The following ESPNL variants were observed in gnomAD, a reference collection of about 807,000 sequenced individuals.
ESPNL encodes the protein espin-like protein.
A neutral mutation model predicts 46.8 loss-of-function variants in ESPNL; 49 were observed. The observed-to-expected ratio is 1.05, with a 90% CI of 0.83 to 1.33. The LOEUF (loss-of-function observed/expected upper bound fraction) is 1.33, where lower values mean the gene tolerates loss of function less well. Among genes scored for constraint, ESPNL ranks in the 40% most tolerant of loss-of-function variants. ESPNL has a pLI of 0.00. For synonymous variants in ESPNL, 664 were observed against 662.1 expected (o/e 1.00, Z -0.04); for missense variants, 1,540 against 1,436.6 (o/e 1.07, Z -1.16).
Position 238,102,136 on chromosome 2 carries a change from G to A in ESPNL, c.485+5G>A, listed in dbSNP as rs1691500283. The A allele has an allele frequency of 1.3e-6, 2 of 1,529,676 alleles. No homozygotes were observed. The highest frequency in any genetic ancestry group is 1.8e-6 in the Non-Finnish European group (2 of 1,135,858). The allele number at this position is 1,529,676 out of a possible 1,614,324, so 94.8% of individuals were successfully genotyped here. A position where few individuals can be genotyped will look rare whatever the true frequency, so the allele number is the denominator to read the frequency against. ...CCTGACAGCCGCGCATGGCAGGTAA[G>A]GAGCCCAAAGTCCCGCCTGGGGGGG... On this transcript the variant is annotated splice_donor_5th_base_variant and intron_variant, in intron 2 of 8. Transcript: ENST00000343063.
rs567760638 is a variant in ESPNL at position 238,123,584 on chromosome 2, C to A, written c.988-1686C>A. Among the ~76,000 whole-genome samples the A allele has an allele frequency of 3.3e-5, 5 of 152,302 alleles. 1 individual carries two copies. Among genetic ancestry groups the A allele is most frequent in the Admixed American group, 3.3e-4 (5 of 15,304 alleles). ...GTTAAAGGTTCCGTGGTAACAGATCCCACACCCGGCCCAAGCCCGCCTGGC... is the reference window on the plus strand; with the variant it reads ...GTTAAAGGTTCCGTGGTAACAGATCACACACCCGGCCCAAGCCCGCCTGGC... On this transcript the variant is annotated intron_variant, in intron 5 of 8. Coordinates refer to ENST00000343063, the MANE Select transcript of ESPNL (RefSeq NM_194312.4).
At chr2:238,127,395 G>A (rs1692163255) in intron 6 of ESPNL, 1 of 1,316,266 alleles carries the variant, frequency 7.6e-7, no homozygotes, top group Non-Finnish European at 9.6e-7. Context: ...GCCCAGCGGT[G>A]TGCCGCAGGC....
Position 238,131,474 on chromosome 2 carries a change from GGA to G in ESPNL, c.2761_2762del (p.Asp921HisfsTer41). On this transcript the variant is annotated frameshift_variant, in exon 9 of 9. Coordinates refer to ENST00000343063, the MANE Select transcript of ESPNL (RefSeq NM_194312.4). LOFTEE classifies it low-confidence loss of function (END_TRUNC). The part of the protein sequence containing the change: ...GRRAWTDGFE[D>X]IKARFFGSSQ... ...GCCGGGCCTGGACCGACGGCTTCGA[GGA>G]CATCAAAGCCCGCTTCTTTGGCTCC... is the stretch of plus-strand genomic sequence containing the variant. 6.2e-7 allele frequency: 1 copy of G among 1,611,744 alleles called. No individual in the cohort carries two copies. Among genetic ancestry groups the G allele is most frequent in the Non-Finnish European group, 8.5e-7 (1 of 1,179,468 alleles).
At chr2:238,127,096 CTG>C (rs67493940) in intron 6 of ESPNL, among the ~76,000 whole-genome samples, 81,143 of 148,692 alleles carry the variant, frequency 0.55, 23,703 homozygotes, top group African/African-American at 0.77. Flanking sequence ...ATGATTGTGT[CTG>C]TGTCTGTATG....
At chr2:238,119,612 A>G (rs1691942068) in intron 5 of ESPNL, among the ~76,000 whole-genome samples, 1 of 149,192 alleles carries the variant, frequency 6.7e-6, no homozygotes, top group East Asian at 2.0e-4. Context: ...GGGGAGCTGG[A>G]GGAGGGGAGG....
chr2:238,129,246 G>A, intron 8 of ESPNL: 1 of 1,218,518 alleles, frequency 8.2e-7, no homozygotes, highest in Non-Finnish European at 1.0e-6. Flanking sequence ...CGGCAGGTGT[G>A]TGGGGTGCGA....
intron 5 of ESPNL, among the ~76,000 whole-genome samples, chr2:238,120,072 AGTCAC>A (rs749686564): frequency 2.2e-5 from 3 of 136,206 alleles, no homozygotes; most frequent in Admixed American, 7.2e-5. Flanking sequence ...CACTGTTGGA[AGTCAC>A]GTATTTACTA....
chr2:238,127,278 G>A, intron 6 of ESPNL: 1 of 923,582 alleles, frequency 1.1e-6, no homozygotes, highest in Middle Eastern at 4.3e-4. Flanking sequence ...GGGGCAGGGA[G>A]CATTGCAGGC....
chr2:238,101,344 G>T (rs749091067), intron 1 of ESPNL, among the ~76,000 whole-genome samples: 11 of 152,176 alleles, frequency 7.2e-5, no homozygotes, highest in Non-Finnish European at 1.3e-4. Context: ...GAGCGGGAAG[G>T]TTCCCCAGCA....
intron 5 of ESPNL, among the ~76,000 whole-genome samples, chr2:238,122,864 C>T (rs1175321693): frequency 6.6e-6 from 1 of 152,248 alleles, no homozygotes; most frequent in East Asian, 1.9e-4. Flanking sequence ...GTCGGTGACA[C>T]CACTTGTGTC....
chr2:238,100,479 G>A lies in ESPNL; in HGVS notation c.60G>A (p.Arg20=). ...AKDGDVATLE[R]LLEAGALGPG... Reference sequence around the variant, plus strand: ...ATGGGGATGTGGCGACGTTGGAGCGGCTGCTGGAGGCTGGCGCCCTGGGCC... The same window carrying A: ...ATGGGGATGTGGCGACGTTGGAGCGACTGCTGGAGGCTGGCGCCCTGGGCC... The change falls in exon 1 of 9, where the codon CGG becomes CGA. Residue 20 remains arginine (R), a synonymous_variant. Coordinates refer to ENST00000343063, the MANE Select transcript of ESPNL (RefSeq NM_194312.4). 1 of 1,601,812 alleles carries A rather than the reference G, an allele frequency of 6.2e-7. No homozygotes were observed. The highest frequency in any genetic ancestry group is 1.1e-5 in the South Asian group (1 of 88,998).
intron 6 of ESPNL, among the ~76,000 whole-genome samples, chr2:238,126,136 CTGTG>C (rs1268388241): frequency 4.8e-5 from 7 of 146,020 alleles, no homozygotes; most frequent in South Asian, 2.2e-4. Context: ...GTGTCTGTGT[CTGTG>C]TGATTGTGTC....
chr2:238,128,196 CTT>C (rs1263539411), intron 7 of ESPNL, among the ~76,000 whole-genome samples: 1 of 152,240 alleles, frequency 6.6e-6, no homozygotes, highest in East Asian at 1.9e-4. Context: ...CCAGCCCAGA[CTT>C]TCCCTGCGTG....
intron 8 of ESPNL, chr2:238,129,106 T>C: frequency 7.1e-7 from 1 of 1,417,390 alleles, no homozygotes. Flanking sequence ...TCACCTGCTC[T>C]GGAGGCATGG....
At chr2:238,113,805 G>A (rs375706962) in intron 4 of ESPNL, among the ~76,000 whole-genome samples, 12 of 152,248 alleles carry the variant, frequency 7.9e-5, no homozygotes, top group South Asian at 2.1e-4. Flanking sequence ...GAACCCGCAC[G>A]GTTCCTGGCC....
chr2:238,125,510 C>G (rs1443708982), intron 6 of ESPNL, 126 bp downstream of exon 6: 1 of 481,222 alleles, frequency 2.1e-6, no homozygotes, highest in Admixed American at 4.2e-5. Context: ...ATCACCCTCC[C>G]TCCCCAGTTG....
intron 3 of ESPNL, 150 bp from the exon 4 acceptor site, chr2:238,107,641 C>T (rs1691625576): frequency 5.0e-6 from 4 of 796,776 alleles, no homozygotes; most frequent in South Asian, 1.9e-5. Flanking sequence ...CGCACGTGCT[C>T]AGCCAGCCCT....
intron 6 of ESPNL, 116 bp downstream of exon 6, chr2:238,125,500 AT>A (rs1411703903): frequency 6.0e-6 from 3 of 501,294 alleles, no homozygotes; most frequent in Non-Finnish European, 1.0e-5. Flanking sequence ...CGGGCACCCC[AT>A]CACCCTCCCT....
At chr2:238,116,822 G>A in intron 4 of ESPNL, 81 bp from the exon 5 acceptor site, 1 of 1,532,098 alleles carries the variant, frequency 6.5e-7, no homozygotes, top group South Asian at 1.2e-5. Flanking sequence ...CATGGGGCAG[G>A]GGAGCGGCCC....
Sources: gnomAD v4.1 joint callset for allele counts (sites outside exome capture counted in the v4.1 genomes callset) on GRCh38, gnomAD v4.1.1 for gene constraint, MANE v1.5 for transcripts, NCBI Gene and HGNC (gene_info 2026-07-23, HGNC 2026-07-21) for gene names.